KLHL22: variants seen among roughly 807,000 people sequenced by gnomAD.
The protein encoded by KLHL22 is kelch like family member 22.
In KLHL22, 18 loss-of-function variants were observed where a neutral mutation model predicts 60.7. The observed-to-expected ratio is 0.30, with a 90% CI of 0.20 to 0.44. The LOEUF (loss-of-function observed/expected upper bound fraction) is 0.44. Ranked by LOEUF, KLHL22 falls within the 20% of genes least tolerant of loss-of-function variation. The pLI, the probability that KLHL22 is intolerant of heterozygous loss-of-function variation, is 1.00. For synonymous variants in KLHL22, 355 were observed against 354.5 expected (o/e 1.00, Z -0.01); for missense variants, 596 against 852.3 (o/e 0.70, Z 3.74).
chr22:20,488,829 T>C, intron 2 of KLHL22, 156 bp downstream of exon 2: 1 of 669,118 alleles, frequency 1.5e-6, no homozygotes, highest in Non-Finnish European at 2.5e-6. Context: ...AAGACCCCCT[T>C]CTGTCTCTCA....
Position 20,495,636 on chromosome 22 carries a change from G to GCCCGCC in KLHL22, c.-34+118_-34+123dup, listed in dbSNP as rs1364792733. ...CGCCGCCCCCGAGCCTCCGGCCCGCGCCCGCCCCCGCGCCCCTCGGACTCC... is the reference window on the plus strand; with the variant it reads ...CGCCGCCCCCGAGCCTCCGGCCCGCGCCCGCCCCCGCCCCCGCGCCCCTCGGACTCC... On this transcript the variant is annotated intron_variant, in intron 1 of 6. Coordinates refer to ENST00000328879, the MANE Select transcript of KLHL22 (RefSeq NM_032775.4). The surrounding 1 kb of genome is among the most constrained non-coding windows in gnomAD (Gnocchi z 4.6). 6.6e-6 allele frequency: 1 copy of GCCCGCC among 150,774 alleles called. No homozygotes were observed. Among genetic ancestry groups the GCCCGCC allele is most frequent in the Non-Finnish European group, 1.5e-5 (1 of 67,230 alleles). The allele number at this position is 150,774 out of a possible 1,614,324, so 9.3% of individuals were successfully genotyped here.
At chr22:20,488,942 T>G (rs1370183900) in intron 2 of KLHL22, 43 bp downstream of exon 2, 1 of 1,583,616 alleles carries the variant, frequency 6.3e-7, no homozygotes, top group Non-Finnish European at 8.6e-7. Context: ...AGAGCCAGGA[T>G]TACCTTTGTT....
intron 3 of KLHL22, among the ~76,000 whole-genome samples, chr22:20,468,612 G>A (rs901634374): frequency 3.9e-5 from 6 of 152,168 alleles, no homozygotes; most frequent in Non-Finnish European, 7.4e-5. Context: ...CTATGGACTT[G>A]ACATGGTTAT....
Position 20,441,788 on chromosome 22 carries a change from G to A in KLHL22, c.*285C>T. 2.9e-6 allele frequency: 1 copy of A among 339,734 alleles called. No individual in the cohort carries two copies. The highest frequency in any genetic ancestry group is 5.4e-6 in the Non-Finnish European group (1 of 185,908). 21.0% of individuals were successfully genotyped at this position (339,734 alleles called of 1,614,324 possible). On this transcript the variant is annotated 3_prime_UTR_variant, in exon 7 of 7. Coordinates refer to ENST00000328879, the MANE Select transcript of KLHL22 (RefSeq NM_032775.4). Reference sequence around the variant, plus strand: ...TTTTGGAGAAGGACTGATCTAGGCAGGGAGGAGAGAAGGCCAACCCCTCCA... The same window carrying A: ...TTTTGGAGAAGGACTGATCTAGGCAAGGAGGAGAGAAGGCCAACCCCTCCA...
Position 20,452,215 on chromosome 22 carries a change from T to G in KLHL22, c.1306-5539A>C, listed in dbSNP as rs1277696805. The stretch of plus-strand genomic sequence containing the variant: ...AGATGTGAGCAATATCCAGCCTAGA[T>G]GATTGGAAAGATACCAATTTAAGTA... On this transcript the variant is annotated intron_variant, in intron 5 of 6. Coordinates refer to ENST00000328879, the MANE Select transcript of KLHL22 (RefSeq NM_032775.4). Among the ~76,000 whole-genome samples, 26 of 151,740 alleles carry G rather than the reference T, an allele frequency of 1.7e-4. No individual in the cohort carries two copies. In the Admixed American group the frequency reaches 1.7e-3, roughly 10 times the overall value.
chr22:20,480,988 T>C (rs6519348), intron 2 of KLHL22, among the ~76,000 whole-genome samples: 134,475 of 151,488 alleles, frequency 0.89, 59,893 homozygotes, highest in African/African-American at 0.95. Context: ...CCCGCCACCA[T>C]GCCCGGCTAA....
chr22:20,489,195 T>G lies in KLHL22; in HGVS notation c.17A>C (p.Glu6Ala). 4 of 1,613,964 alleles carry G rather than the reference T, an allele frequency of 2.5e-6. No individual in the cohort carries two copies. The highest frequency in any genetic ancestry group is 3.4e-6 in the Non-Finnish European group (4 of 1,179,966). Residue 6 changes from glutamate (E) to alanine (A), a missense_variant, in exon 2 of 7, where the codon GAG becomes GCG. Physicochemically the swap from Glu to Ala is moderately radical, Grantham distance 107 (BLOSUM62 -1). Coordinates refer to ENST00000328879, the MANE Select transcript of KLHL22 (RefSeq NM_032775.4). MAEEQ[E>A]FTQLCKLPAQ... Reference sequence around the variant, plus strand: ...AGGCAACTTGCAGAGCTGGGTGAACTCCTGCTCCTCTGCCATCCTGACAGC... The same window carrying G: ...AGGCAACTTGCAGAGCTGGGTGAACGCCTGCTCCTCTGCCATCCTGACAGC...
At chr22:20,493,794 G>A (rs2146298263) in intron 1 of KLHL22, among the ~76,000 whole-genome samples, 1 of 152,066 alleles carries the variant, frequency 6.6e-6, no homozygotes, top group Admixed American at 6.5e-5. Flanking sequence ...TGGGCACAGT[G>A]GCTCATGCCT....
intron 4 of KLHL22, among the ~76,000 whole-genome samples, chr22:20,460,251 T>G (rs780933363): frequency 6.6e-6 from 1 of 152,180 alleles, no homozygotes; most frequent in Non-Finnish European, 1.5e-5. Context: ...GTTTGCTCCT[T>G]CGAGTCTATT....
intron 6 of KLHL22, among the ~76,000 whole-genome samples, chr22:20,444,385 G>T (rs2052820721): frequency 6.6e-6 from 1 of 152,170 alleles, no homozygotes; most frequent in African/African-American, 2.4e-5. Flanking sequence ...TTTATCTTAA[G>T]TTGCTATGTT....
chr22:20,477,691 T>C (rs1425620308), intron 2 of KLHL22, among the ~76,000 whole-genome samples: 1 of 152,208 alleles, frequency 6.6e-6, no homozygotes, highest in Non-Finnish European at 1.5e-5. Context: ...TGGGTGCAAT[T>C]AGGAAAATCT....
chr22:20,480,233 G>C (rs1021327939), intron 2 of KLHL22, among the ~76,000 whole-genome samples: 2 of 152,194 alleles, frequency 1.3e-5, no homozygotes, highest in African/African-American at 4.8e-5. Flanking sequence ...AGTGGGTATA[G>C]AGTTTCAGAT....
chr22:20,459,166 G>GT (rs1482294536), intron 4 of KLHL22, among the ~76,000 whole-genome samples: 2 of 152,224 alleles, frequency 1.3e-5, no homozygotes, highest in African/African-American at 4.8e-5. Flanking sequence ...TCAGACAAGT[G>GT]TTTTTATTTC....
At chr22:20,451,504 C>A in intron 5 of KLHL22, 1 of 1,596,742 alleles carries the variant, frequency 6.3e-7, no homozygotes, top group Non-Finnish European at 8.6e-7. Context: ...GGCCACCAAG[C>A]GTTCTGGTGC....
At chr22:20,474,386 TTTTTA>T (rs1332095631) in intron 2 of KLHL22, among the ~76,000 whole-genome samples, 3 of 151,934 alleles carry the variant, frequency 2.0e-5, no homozygotes, top group Admixed American at 6.6e-5. Context: ...TGTCTCACTT[TTTTTA>T]TTTTATTTTA....
intron 5 of KLHL22, chr22:20,451,381 G>A (rs924211923): frequency 9.3e-6 from 15 of 1,611,622 alleles, no homozygotes; most frequent in East Asian, 2.2e-5. Flanking sequence ...TGCCGGACTC[G>A]TAGTGGCCAG....
intron 1 of KLHL22, among the ~76,000 whole-genome samples, chr22:20,494,657 A>G (rs1224127248): frequency 6.6e-6 from 1 of 151,906 alleles, no homozygotes; most frequent in East Asian, 1.9e-4. Flanking sequence ...GATTACAGGC[A>G]TGAGCCACCG....
intron 3 of KLHL22, among the ~76,000 whole-genome samples, chr22:20,469,620 A>G (rs915094496): frequency 6.6e-6 from 1 of 152,152 alleles, no homozygotes; most frequent in African/African-American, 2.4e-5. Flanking sequence ...CCATGCAGGT[A>G]TGGTGAGACA....
chr22:20,494,434 G>T (rs2146299678), intron 1 of KLHL22, among the ~76,000 whole-genome samples: 1 of 152,142 alleles, frequency 6.6e-6, no homozygotes, highest in East Asian at 1.9e-4. Context: ...AGGCTAGAGT[G>T]CAGTGGTAGG....
Sources: gnomAD v4.1 joint callset for allele counts (sites outside exome capture counted in the v4.1 genomes callset) on GRCh38, gnomAD v4.1.1 for gene constraint, Gnocchi (gnomAD v3.1) non-coding constraint, MANE v1.5 for transcripts, NCBI Gene and HGNC (gene_info 2026-07-23, HGNC 2026-07-21) for gene names.